PDZD2: variants seen among roughly 807,000 people sequenced by gnomAD.
PDZD2 encodes the protein PDZ domain-containing protein 2.
Under a neutral mutation model 220.7 loss-of-function variants are expected in PDZD2, and 90 were observed. The observed-to-expected ratio is 0.41, with a 90% confidence interval of 0.34 to 0.49. PDZD2 has a LOEUF of 0.49. Ranked by LOEUF, PDZD2 falls within the 20% of genes least tolerant of loss-of-function variation. The pLI is 0.28. For synonymous variants in PDZD2, 1,375 were observed against 1,450.5 expected, an observed-to-expected ratio of 0.95 and a Z score of 1.18; for missense variants, 3,174 against 3,608.5, an observed-to-expected ratio of 0.88 and a Z score of 3.08.
At chr5:31,920,301 AATAAAT>A (rs1187919755) in intron 2 of PDZD2, among the ~76,000 whole-genome samples, 1 of 143,650 alleles carries the variant, frequency 7.0e-6, no homozygotes, top group East Asian at 2.0e-4. Context: ...AATAAAAATA[AATAAAT>A]AAATAATTTT....
At chr5:31,781,942 CAGG>C (rs1413332501) in intron 1 of PDZD2, among the ~76,000 whole-genome samples, 1 of 104,502 alleles carries the variant, frequency 9.6e-6, no homozygotes, top group African/African-American at 3.1e-5. Context: ...CCTGAGATAA[CAGG>C]GGGGCCAGGA....
At chr5:32,057,804 G>GCTT (rs1739227088) in intron 11 of PDZD2, 74 bp from the exon 12 acceptor site, 1 of 1,093,400 alleles carries the variant, frequency 9.1e-7, no homozygotes, top group African/African-American at 1.6e-5. Context: ...TTGGTGAGTT[G>GCTT]TTTTTTTTTT....
chr5:31,756,615 C>T (rs1580695908), intron 1 of PDZD2, among the ~76,000 whole-genome samples: 2 of 152,308 alleles, frequency 1.3e-5, no homozygotes, highest in East Asian at 3.9e-4. Context: ...TTATAGGATC[C>T]TGGGCACCCC....
At chr5:31,867,623 C>T (rs1486067929) in intron 2 of PDZD2, among the ~76,000 whole-genome samples, 1 of 152,210 alleles carries the variant, frequency 6.6e-6, no homozygotes, top group Non-Finnish European at 1.5e-5. Flanking sequence ...AATATTTTGG[C>T]TCCACTAAAT....
intron 1 of PDZD2, chr5:31,742,062 T>G (rs1750297746): frequency 6.6e-6 from 1 of 152,344 alleles, no homozygotes; most frequent in South Asian, 2.1e-4. Flanking sequence ...ATTGAGGCCC[T>G]CTTCTTATGA....
chr5:31,986,774 G>A (rs1750756734), intron 3 of PDZD2, among the ~76,000 whole-genome samples: 1 of 152,038 alleles, frequency 6.6e-6, no homozygotes, highest in South Asian at 2.1e-4. Flanking sequence ...TGACAAAAGA[G>A]CTCATAATCA....
At chr5:31,830,690 A>G (rs971695226) in intron 2 of PDZD2, among the ~76,000 whole-genome samples, 1 of 152,018 alleles carries the variant, frequency 6.6e-6, no homozygotes, top group African/African-American at 2.4e-5. Flanking sequence ...ACTTGCAGAC[A>G]CCCTTGATCA....
chr5:31,760,763 A>G (rs1003837392), intron 1 of PDZD2, among the ~76,000 whole-genome samples: 6 of 152,080 alleles, frequency 3.9e-5, no homozygotes, highest in African/African-American at 1.4e-4. Context: ...TCTCTATGAC[A>G]AATACAAAAT....
rs1053454269 is a variant in PDZD2, at chr5:32,098,480, G to C, written c.8064G>C (p.Leu2688=). Residue 2688 remains leucine, a synonymous_variant, in exon 23 of 25, where the codon CTG becomes CTC. Transcript: ENST00000438447. This position sits in a 1 kb window ranked among gnomAD's most constrained non-coding sequence, Gnocchi z 4.1. The part of the protein sequence containing the change: ...SLAGLAHGNV[L]KVLHQAQLHK... Reference sequence around the variant, plus strand: ...CTGGCTTAGCCCACGGGAATGTCCTGAAGGTTCTGCACCAGGCACAGCTGC... The same window carrying C: ...CTGGCTTAGCCCACGGGAATGTCCTCAAGGTTCTGCACCAGGCACAGCTGC... 5 of 1,614,184 alleles carry C rather than the reference G, an allele frequency of 3.1e-6. No homozygotes were observed. Among genetic ancestry groups the C allele is most frequent in the Non-Finnish European group, 4.2e-6 (5 of 1,180,032 alleles).
intron 2 of PDZD2, 105 bp from the exon 3 acceptor site, chr5:31,983,050 C>A: frequency 8.6e-7 from 1 of 1,169,562 alleles, no homozygotes; most frequent in Non-Finnish European, 1.2e-6. Context: ...CTCAGTCCAT[C>A]GGCCAACTGG....
At position 31,986,327 on chromosome 5, in the gene PDZD2, T is replaced by C. The variant is rs574292917; in HGVS notation, c.978+2671T>C. On this transcript the variant is annotated intron_variant, in intron 3 of 24. Transcript: ENST00000438447. ...TAACTGTTTATAATTCATATTCTGA[T>C]TTTTGGCCCCGGGTCATACTTTTTG... Among the ~76,000 whole-genome samples, 33 of 152,272 alleles carry C rather than the reference T, an allele frequency of 2.2e-4. No individual in the cohort carries two copies. In the South Asian group the frequency reaches 6.0e-3, roughly 28 times the overall value.
intron 2 of PDZD2, among the ~76,000 whole-genome samples, chr5:31,841,205 G>A (rs1757280303): frequency 8.3e-6 from 1 of 119,980 alleles, no homozygotes; most frequent in Non-Finnish European, 1.7e-5. Flanking sequence ...CTGTGCACAT[G>A]TGTACACACA....
chr5:31,646,740 C>A lies in PDZD2; in HGVS notation c.-361+7303C>A, dbSNP rs1320662142. Among the ~76,000 whole-genome samples the A allele has an allele frequency of 1.3e-5, 2 of 152,096 alleles. No homozygotes were observed. Among genetic ancestry groups the A allele is most frequent in the Non-Finnish European group, 2.9e-5 (2 of 68,022 alleles). Reference sequence around the variant, plus strand: ...AGCCATGCAAATATTATTACAAAACCACTCAGCATACAAAATTGGCATAGC... The same window carrying A: ...AGCCATGCAAATATTATTACAAAACAACTCAGCATACAAAATTGGCATAGC... On this transcript the variant is annotated intron_variant, in intron 1 of 24. Coordinates refer to ENST00000438447, the MANE Select transcript of PDZD2 (RefSeq NM_178140.4). The surrounding 1 kb of genome is among the most constrained non-coding windows in gnomAD (Gnocchi z 4.7).
At chr5:31,858,672 G>A (rs1411313100) in intron 2 of PDZD2, among the ~76,000 whole-genome samples, 3 of 152,026 alleles carry the variant, frequency 2.0e-5, no homozygotes, top group Non-Finnish European at 4.4e-5. Flanking sequence ...TGTCTTTTCA[G>A]GTTTTTGCAT....
chr5:31,980,780 GTGTT>G lies in PDZD2; in HGVS notation c.477-2356_477-2353del, dbSNP rs556430344. On this transcript the variant is annotated intron_variant, in intron 2 of 24. Transcript: ENST00000438447. ...TTTTTATTTTTGAGACTAGTGGATG[GTGTT>G]TGTTTGTTTGTTTGTTTGAGATGGA... Among the ~76,000 whole-genome samples, 123 of 152,186 alleles carry G rather than the reference GTGTT, an allele frequency of 8.1e-4. 1 individual carries two copies. Among genetic ancestry groups the G allele is most frequent in the Middle Eastern group, 3.4e-3 (1 of 294 alleles).
intron 1 of PDZD2, among the ~76,000 whole-genome samples, chr5:31,678,084 T>C (rs1011502992): frequency 1.1e-4 from 17 of 152,184 alleles, no homozygotes; most frequent in African/African-American, 3.9e-4. Flanking sequence ...CAATTATACA[T>C]CAGTAAAGGT....
At chr5:31,797,094 ATTT>A (rs756548601) in intron 1 of PDZD2, among the ~76,000 whole-genome samples, 1,580 of 66,386 alleles carry the variant, frequency 0.024, 15 homozygotes, top group Non-Finnish European at 0.032. Flanking sequence ...CACCCAGCTA[ATTT>A]TTTTTTTTTT....
intron 1 of PDZD2, among the ~76,000 whole-genome samples, chr5:31,663,430 T>A (rs73072119): frequency 3.9e-5 from 6 of 152,282 alleles, no homozygotes; most frequent in African/African-American, 1.2e-4. Flanking sequence ...TAAAAGGTAA[T>A]TATAGAACTA....
chr5:31,852,070 T>C (rs1356133472), intron 2 of PDZD2, among the ~76,000 whole-genome samples: 1 of 152,100 alleles, frequency 6.6e-6, no homozygotes, highest in Non-Finnish European at 1.5e-5. Context: ...TTGGGCAGGC[T>C]GGTCTTGAGC....
Sources: allele counts gnomAD v4.1 joint callset (sites outside exome capture counted in the v4.1 genomes callset), GRCh38; gene constraint gnomAD v4.1.1; non-coding constraint Gnocchi (gnomAD v3.1); transcripts MANE v1.5; gene names NCBI Gene and HGNC (gene_info 2026-07-23, HGNC 2026-07-21).